MAPKAP1: variants seen among roughly 807,000 people sequenced by gnomAD.
The protein encoded by MAPKAP1 is MAPK associated protein 1, also known as target of rapamycin complex 2 subunit MAPKAP1.
In MAPKAP1, 20 loss-of-function variants were observed where a neutral mutation model predicts 65.7. That is an observed-to-expected ratio of 0.30 (90% CI 0.21 to 0.44). The LOEUF is 0.44. Ranked by LOEUF, MAPKAP1 falls within the 20% of genes least tolerant of loss-of-function variation. The probability of loss-of-function intolerance (pLI) is 1.00; values close to 1 mark genes in which losing one functional copy is unlikely to be tolerated. For synonymous variants in MAPKAP1, 222 were observed against 244.3 expected (o/e 0.91, Z 0.85); for missense variants, 423 against 648.0 (o/e 0.65, Z 3.77).
chr9:125,581,620 C>T (rs1259101640), intron 5 of MAPKAP1, among the ~76,000 whole-genome samples: 1 of 152,198 alleles, frequency 6.6e-6, no homozygotes, highest in Non-Finnish European at 1.5e-5. Flanking sequence ...TATTTCCTTT[C>T]AGTGTGTAGC....
intron 11 of MAPKAP1, among the ~76,000 whole-genome samples, chr9:125,442,646 G>A (rs752093449): frequency 1.3e-5 from 2 of 152,096 alleles, no homozygotes; most frequent in African/African-American, 4.8e-5. Context: ...GCTCCAGTGG[G>A]TAACTCGAAG....
intron 1 of MAPKAP1, among the ~76,000 whole-genome samples, chr9:125,695,455 A>G (rs906846048): frequency 6.6e-5 from 10 of 152,316 alleles, no homozygotes; most frequent in Non-Finnish European, 1.3e-4. Context: ...CAAAGAGTGC[A>G]ATATCAATTT....
chr9:125,449,404 T>C (rs146225464), intron 10 of MAPKAP1, among the ~76,000 whole-genome samples: 526 of 152,312 alleles, frequency 3.5e-3, no homozygotes, highest in South Asian at 7.5e-3. Flanking sequence ...CTTTGAAGAT[T>C]GCATTTTTAA....
intron 10 of MAPKAP1, among the ~76,000 whole-genome samples, chr9:125,460,051 C>T (rs973548587): frequency 5.3e-5 from 8 of 152,046 alleles, no homozygotes; most frequent in Non-Finnish European, 7.4e-5. Context: ...ATCATTTATC[C>T]AGCTGAGAAA....
intron 4 of MAPKAP1, among the ~76,000 whole-genome samples, chr9:125,645,714 G>A (rs1172089417): frequency 1.4e-5 from 2 of 146,630 alleles, no homozygotes; most frequent in African/African-American, 5.1e-5. Context: ...TCCGGCCTGC[G>A]TGATGGAGCA....
chr9:125,585,338 C>T (rs1451581527), intron 5 of MAPKAP1, among the ~76,000 whole-genome samples: 1 of 152,186 alleles, frequency 6.6e-6, no homozygotes, highest in East Asian at 1.9e-4. Context: ...TACTAAAAAT[C>T]CATGTTCTCA....
chr9:125,617,110 T>C (rs1037845351), intron 4 of MAPKAP1, among the ~76,000 whole-genome samples: 8 of 152,214 alleles, frequency 5.3e-5, no homozygotes, highest in African/African-American at 1.9e-4. Flanking sequence ...TATGCATAGA[T>C]CAAAACTTTC....
At chr9:125,667,941 T>G (rs1463262462) in intron 3 of MAPKAP1, among the ~76,000 whole-genome samples, 1 of 152,200 alleles carries the variant, frequency 6.6e-6, no homozygotes, top group Non-Finnish European at 1.5e-5. Flanking sequence ...AACATTAACT[T>G]GATCAACAGA....
At chr9:125,491,785 CAAAAAAACAA>C (rs1554810597) in intron 8 of MAPKAP1, among the ~76,000 whole-genome samples, 3 of 147,324 alleles carry the variant, frequency 2.0e-5, no homozygotes, top group African/African-American at 5.0e-5. Flanking sequence ...CAAAAAAAAC[CAAAAAAACAA>C]AAAAAAACAA....
intron 4 of MAPKAP1, among the ~76,000 whole-genome samples, chr9:125,629,294 T>C (rs1287746367): frequency 6.6e-6 from 1 of 152,212 alleles, no homozygotes; most frequent in Non-Finnish European, 1.5e-5. Flanking sequence ...AAAAGAGATA[T>C]TTGTACTTCC....
intron 1 of MAPKAP1, among the ~76,000 whole-genome samples, chr9:125,693,832 T>TAC (rs1372798628): frequency 1.5e-4 from 12 of 80,884 alleles, no homozygotes; most frequent in Admixed American, 5.6e-4. Flanking sequence ...CACACACACA[T>TAC]ATATATACAC....
intron 5 of MAPKAP1, among the ~76,000 whole-genome samples, chr9:125,570,182 A>T (rs1187639830): frequency 6.6e-6 from 1 of 152,134 alleles, no homozygotes; most frequent in East Asian, 1.9e-4. Flanking sequence ...AGGATCTTGT[A>T]TGGTAAATTC....
At chr9:125,699,739 C>A (rs1835540443) in intron 1 of MAPKAP1, among the ~76,000 whole-genome samples, 2 of 151,534 alleles carry the variant, frequency 1.3e-5, no homozygotes, top group Non-Finnish European at 2.9e-5. Context: ...CTCAAGCAAT[C>A]CTCCTACCTC....
chr9:125,451,806 G>GA (rs1491426949), intron 10 of MAPKAP1, among the ~76,000 whole-genome samples: 19 of 127,262 alleles, frequency 1.5e-4, no homozygotes, highest in African/African-American at 5.0e-4. Context: ...CTACTCACAG[G>GA]AGTTTTTTTT....
intron 9 of MAPKAP1, among the ~76,000 whole-genome samples, chr9:125,472,424 C>T (rs956980650): frequency 3.7e-4 from 56 of 152,318 alleles, no homozygotes; most frequent in African/African-American, 1.1e-3. Flanking sequence ...CCAATAAATG[C>T]ACACATCTAT....
intron 8 of MAPKAP1, among the ~76,000 whole-genome samples, chr9:125,493,156 G>T (rs1287429694): frequency 6.6e-6 from 1 of 152,188 alleles, no homozygotes; most frequent in African/African-American, 2.4e-5. Flanking sequence ...ACACAATTAA[G>T]TAAAATAGTA....
chr9:125,570,428 T>G (rs1015105549), intron 5 of MAPKAP1, among the ~76,000 whole-genome samples: 1 of 152,246 alleles, frequency 6.6e-6, no homozygotes, highest in Admixed American at 6.5e-5. Flanking sequence ...CCTGGGGACA[T>G]GTGGAGTTAG....
At chr9:125,689,161 G>C (rs1469045171) in intron 1 of MAPKAP1, among the ~76,000 whole-genome samples, 1 of 152,096 alleles carries the variant, frequency 6.6e-6, no homozygotes, top group Non-Finnish European at 1.5e-5. Flanking sequence ...AGGCCAGCCG[G>C]GCGCGGTGGC....
intron 7 of MAPKAP1, among the ~76,000 whole-genome samples, chr9:125,518,936 T>C (rs1829541218): frequency 6.6e-6 from 1 of 152,238 alleles, no homozygotes; most frequent in South Asian, 2.1e-4. Context: ...GCAAAGAAGA[T>C]GGCTTTTGAT....
Sources: gnomAD v4.1 joint callset for allele counts (sites outside exome capture counted in the v4.1 genomes callset) on GRCh38, gnomAD v4.1.1 for gene constraint, MANE v1.5 for transcripts, NCBI Gene and HGNC (gene_info 2026-07-23, HGNC 2026-07-21) for gene names.